The following GPSM1 variants were observed in gnomAD, a reference collection of about 807,000 sequenced individuals.
GPSM1 encodes G protein signaling modulator 1, also known as G protein-signaling modulator 1.
GPSM1 carries 48 observed loss-of-function variants against 70.5 expected under a neutral mutation model. That is an observed-to-expected ratio of 0.68 (90% CI 0.54 to 0.87). The LOEUF (loss-of-function observed/expected upper bound fraction) is 0.87. Among genes scored for constraint, GPSM1 ranks in the 40% least tolerant of loss-of-function variants. The probability of loss-of-function intolerance (pLI) is 0.00; values close to 1 mark genes in which losing one functional copy is unlikely to be tolerated. For missense variants in GPSM1, 981 were observed against 972.6 expected (o/e 1.01, Z -0.11); for synonymous variants, 416 against 430.1 (o/e 0.97, Z 0.41).
chr9:136,339,619 T>C (rs1458257282), intron 7 of GPSM1, 88 bp from the exon 8 acceptor site: 3 of 911,282 alleles, frequency 3.3e-6, no homozygotes, highest in Non-Finnish European at 5.2e-6. Context: ...GCCAGGGTCA[T>C]GCTGGGGCCG....
chr9:136,337,300 GACCCTGGAGCCT>G (rs1356216656), intron 4 of GPSM1, 129 bp from the exon 5 acceptor site: 6 of 1,324,490 alleles, frequency 4.5e-6, no homozygotes, highest in Non-Finnish European at 6.1e-6. Context: ...AGAGCTCGAG[GACCCTGGAGCCT>G]ACCCTAGCCA....
intron 1 of GPSM1, among the ~76,000 whole-genome samples, chr9:136,331,268 C>T (rs1285266866): frequency 7.2e-5 from 11 of 152,092 alleles, no homozygotes; most frequent in Admixed American, 3.9e-4. Flanking sequence ...GCCCTGACCC[C>T]GTCAGACCTG....
In GPSM1 at chr9:136,358,276, CA is replaced by C. The variant is rs1554773661; in HGVS notation, c.*57del. 1.4e-6 allele frequency: 2 copies of C among 1,405,358 alleles called. No homozygotes were observed. 87.1% of individuals were successfully genotyped at this position (1,405,358 alleles called of 1,614,324 possible). A position where few individuals can be genotyped will look rare whatever the true frequency, so the allele number is the denominator to read the frequency against. ...CCCCCACTCCTGGACGCCGGTCTCA[CA>C]GTCACAGCCACGTCCTCCCGAGGCC... On this transcript the variant is annotated 3_prime_UTR_variant, in exon 14 of 14. Coordinates refer to ENST00000440944, the MANE Select transcript of GPSM1 (RefSeq NM_001145638.3).
At chr9:136,336,852 G>A in intron 3 of GPSM1, 69 bp from the exon 4 acceptor site, 2 of 1,425,384 alleles carry the variant, frequency 1.4e-6, no homozygotes, top group Non-Finnish European at 1.9e-6. Context: ...GAGGACACCG[G>A]TGTGCCGGCT....
chr9:136,352,843 G>A (rs528920958), intron 11 of GPSM1, among the ~76,000 whole-genome samples: 21 of 152,370 alleles, frequency 1.4e-4, no homozygotes, highest in East Asian at 7.7e-4. Flanking sequence ...CCACAGGCAC[G>A]GGGAGGGGGA....
intron 1 of GPSM1, among the ~76,000 whole-genome samples, chr9:136,332,393 C>G (rs1454306962): frequency 6.6e-6 from 1 of 152,232 alleles, no homozygotes; most frequent in Non-Finnish European, 1.5e-5. Flanking sequence ...GCCTCCTTCG[C>G]CTTGAGCCTC....
intron 1 of GPSM1, among the ~76,000 whole-genome samples, chr9:136,331,432 G>T (rs1358931490): frequency 1.3e-5 from 2 of 151,508 alleles, no homozygotes; most frequent in Admixed American, 1.3e-4. Context: ...AGGGGGCCAG[G>T]TGGGGTCGGG....
chr9:136,339,067 G>A (rs974479197), intron 7 of GPSM1, among the ~76,000 whole-genome samples: 2 of 152,222 alleles, frequency 1.3e-5, no homozygotes, highest in Non-Finnish European at 2.9e-5. Context: ...CGGAACAAGG[G>A]GCTCAGAGCC....
chr9:136,331,366 C>CA (rs1397470688), intron 1 of GPSM1, among the ~76,000 whole-genome samples: 1 of 140,834 alleles, frequency 7.1e-6, no homozygotes, highest in South Asian at 2.2e-4. Context: ...GACTCTGAGC[C>CA]CCCCCCCCCC....
chr9:136,327,774 C>CCGGGGCCGGGGA lies in GPSM1; in HGVS notation c.68+22_68+23insACGGGGCCGGGG. On this transcript the variant is annotated intron_variant, in intron 1 of 13. Transcript: ENST00000440944. ...GCGCCTCTACTCCAGGTAGGACGGG[C>CCGGGGCCGGGGA]CGGGGCCGGGGCCGGGGCCGGGGCT... is the stretch of plus-strand genomic sequence containing the variant. 1 of 981,086 alleles carries CCGGGGCCGGGGA rather than the reference C, an allele frequency of 1.0e-6. No individual in the cohort carries two copies. The highest frequency in any genetic ancestry group is 5.0e-5 in the South Asian group (1 of 20,084). 60.8% of individuals were successfully genotyped at this position (981,086 alleles called of 1,614,324 possible).
chr9:136,348,751 G>A lies in GPSM1; in HGVS notation c.1262G>A (p.Arg421Lys), dbSNP rs781907237. 1.8e-5 allele frequency: 29 copies of A among 1,612,028 alleles called. 1 individual carries two copies. In the Admixed American group the frequency reaches 1.8e-4, roughly 10 times the overall value. The change falls in exon 10 of 14, where the codon AGA becomes AAA. Residue 421 changes from arginine to lysine, a missense_variant. Arg to Lys is a conservative substitution (Grantham distance 26, BLOSUM62 2). Coordinates refer to ENST00000440944, the MANE Select transcript of GPSM1 (RefSeq NM_001145638.3). ...RLSAETWDLL[R>K]LPLEREQNGD... Reference sequence around the variant, plus strand: ...AGCGCGGAGACCTGGGACCTGCTGAGACTCCCCCTGGAGCGGGTGAGCCAG... The same window carrying A: ...AGCGCGGAGACCTGGGACCTGCTGAAACTCCCCCTGGAGCGGGTGAGCCAG...
intron 11 of GPSM1, among the ~76,000 whole-genome samples, chr9:136,350,431 A>G (rs2131410147): frequency 6.6e-6 from 1 of 152,276 alleles, no homozygotes; most frequent in South Asian, 2.1e-4. Flanking sequence ...GGTGGGTGGG[A>G]AGCCCCTAAG....
At position 136,341,660 on chromosome 9, in the gene GPSM1, C is replaced by T. The variant is rs1832395602; in HGVS notation, c.1207+667C>T. Reference sequence around the variant, plus strand: ...AGCTGCCCCACCCATGTGTCCCCCACTCCCAAAGGTCTTGAGTTTGCCAGC... The same window carrying T: ...AGCTGCCCCACCCATGTGTCCCCCATTCCCAAAGGTCTTGAGTTTGCCAGC... On this transcript the variant is annotated intron_variant, in intron 9 of 13. Transcript: ENST00000440944. The surrounding 1 kb of genome is among the most constrained non-coding windows in gnomAD (Gnocchi z 6.7). 8 of 998,602 alleles carry T rather than the reference C, an allele frequency of 8.0e-6. No homozygotes were observed. Among genetic ancestry groups the T allele is most frequent in the Non-Finnish European group, 9.6e-6 (8 of 837,268 alleles). The allele number at this position is 998,602 out of a possible 1,614,324, so 61.9% of individuals were successfully genotyped here.
chr9:136,338,764 ACC>A, intron 7 of GPSM1, 54 bp downstream of exon 7: 1 of 1,495,074 alleles, frequency 6.7e-7, no homozygotes, highest in East Asian at 2.5e-5. Context: ...AGGCTGAATT[ACC>A]GCGGCCCAGG....
intron 3 of GPSM1, 62 bp from the exon 4 acceptor site, chr9:136,336,859 G>T: frequency 6.7e-7 from 1 of 1,482,442 alleles, no homozygotes; most frequent in South Asian, 1.3e-5. Context: ...CCGGTGTGCC[G>T]GCTCTGCACA....
At chr9:136,337,647 G>A (rs1832277927) in intron 5 of GPSM1, 83 bp downstream of exon 5, 2 of 1,375,806 alleles carry the variant, frequency 1.5e-6, no homozygotes, top group South Asian at 2.5e-5. Context: ...GTCCCTGAAA[G>A]GGCAGGGTGG....
At position 136,358,268 on chromosome 9, in the gene GPSM1, C is replaced by T. The variant is rs77709325; in HGVS notation, c.*48C>T. On this transcript the variant is annotated 3_prime_UTR_variant, in exon 14 of 14. Transcript: ENST00000440944. Reference sequence around the variant, plus strand: ...CCACCCTGCCCCCACTCCTGGACGCCGGTCTCACAGTCACAGCCACGTCCT... The same window carrying T: ...CCACCCTGCCCCCACTCCTGGACGCTGGTCTCACAGTCACAGCCACGTCCT... 4.4e-3 allele frequency: 6,444 copies of T among 1,451,610 alleles called. 20 individuals carry two copies. The highest frequency in any genetic ancestry group is 0.015 in the African/African-American group (1,047 of 71,158). 89.9% of individuals were successfully genotyped at this position (1,451,610 alleles called of 1,614,324 possible). A position where few individuals can be genotyped will look rare whatever the true frequency, so the allele number is the denominator to read the frequency against.
rs1832944380 is a variant in GPSM1, at chr9:136,359,571, T to G, written c.*1351T>G. 6.6e-6 allele frequency: 1 copy of G among 152,364 alleles called. No homozygotes were observed. Among genetic ancestry groups the G allele is most frequent in the Non-Finnish European group, 1.5e-5 (1 of 68,058 alleles). The allele number at this position is 152,364 out of a possible 1,614,324, so 9.4% of individuals were successfully genotyped here. On this transcript the variant is annotated 3_prime_UTR_variant, in exon 14 of 14. Coordinates refer to ENST00000440944, the MANE Select transcript of GPSM1 (RefSeq NM_001145638.3). ...CCAAGAGGTACATTTGTTTTTCTGT[T>G]TTTCCTGAAAAATAAAGTCGGCCAA...
Position 136,339,729 on chromosome 9 carries a change from T to C in GPSM1, c.997T>C (p.Trp333Arg). Residue 333 changes from tryptophan to arginine, a missense_variant, in exon 8 of 14, where the codon TGG becomes CGG. Transcript: ENST00000440944. ...CAGAGTGGGCGAGGGCCGGGCGTGC[T>C]GGAGCCTGGGAAATGCCTACGTGTC... ...ADRVGEGRAC[W>R]SLGNAYVSMG... is the part of the protein sequence containing the mutation. The C allele has an allele frequency of 6.5e-7, 1 of 1,550,100 alleles. No homozygotes were observed. The highest frequency in any genetic ancestry group is 8.7e-7 in the Non-Finnish European group (1 of 1,146,648).
Sources: gnomAD v4.1 joint callset for allele counts (sites outside exome capture counted in the v4.1 genomes callset) on GRCh38, gnomAD v4.1.1 for gene constraint, Gnocchi (gnomAD v3.1) non-coding constraint, MANE v1.5 for transcripts, NCBI Gene and HGNC (gene_info 2026-07-23, HGNC 2026-07-21) for gene names.